NRG1: variants seen among roughly 807,000 people sequenced by gnomAD.
NRG1 encodes the protein pro-neuregulin-1, membrane-bound isoform.
A neutral mutation model predicts 63.8 loss-of-function variants in NRG1; 18 were observed. The ratio of observed to expected loss-of-function variants is 0.28; its 90% CI spans 0.19 to 0.42. NRG1 has a LOEUF of 0.42. Among genes scored for constraint, NRG1 ranks in the 10% least tolerant of loss-of-function variants. NRG1 has a pLI of 1.00. For synonymous variants in NRG1, 302 were observed against 301.3 expected, an observed-to-expected ratio of 1.00 and a Z score of -0.02; for missense variants, 762 against 814.7, an observed-to-expected ratio of 0.94 and a Z score of 0.79.
intron 1 of NRG1, among the ~76,000 whole-genome samples, chr8:32,170,278 A>T (rs1233673066): frequency 2.0e-5 from 3 of 152,222 alleles, no homozygotes; most frequent in Non-Finnish European, 4.4e-5. Context: ...AGGGAGAAAC[A>T]GGTTTAGAGG....
intron 1 of NRG1, among the ~76,000 whole-genome samples, chr8:32,119,517 C>T (rs1187118350): frequency 6.6e-6 from 1 of 152,062 alleles, no homozygotes; most frequent in African/African-American, 2.4e-5. Flanking sequence ...CCATGTTCTC[C>T]TGTCTTTCTT....
intron 11 of NRG1, 159 bp downstream of exon 11, chr8:32,760,565 T>C: frequency 7.0e-7 from 1 of 1,435,984 alleles, no homozygotes; most frequent in Non-Finnish European, 9.1e-7. Context: ...ATCTCTTTGT[T>C]TGACGGAACT....
intron 3 of NRG1, among the ~76,000 whole-genome samples, chr8:32,609,871 A>G (rs927319745): frequency 6.6e-6 from 1 of 151,232 alleles, no homozygotes; most frequent in Non-Finnish European, 1.5e-5. Flanking sequence ...AGGTTTCGCC[A>G]TGTTGGCCAT....
chr8:31,645,361 G>C (rs765228937), intron 1 of NRG1, among the ~76,000 whole-genome samples: 1 of 152,144 alleles, frequency 6.6e-6, no homozygotes, highest in Non-Finnish European at 1.5e-5. Context: ...ACAAAACTTG[G>C]TCATTTTAAG....
At chr8:32,186,137 T>C (rs1045893716) in intron 1 of NRG1, among the ~76,000 whole-genome samples, 5 of 152,202 alleles carry the variant, frequency 3.3e-5, no homozygotes, top group East Asian at 3.9e-4. Context: ...CTAGCTATTA[T>C]GTACAATTTG....
chr8:31,796,131 TA>T (rs1305150789), intron 1 of NRG1, among the ~76,000 whole-genome samples: 1 of 152,178 alleles, frequency 6.6e-6, no homozygotes, highest in African/African-American at 2.4e-5. Context: ...CACCTAGCCT[TA>T]AAGAGTCTAG....
At chr8:32,094,456 A>G (rs1343857835) in intron 1 of NRG1, among the ~76,000 whole-genome samples, 4 of 152,106 alleles carry the variant, frequency 2.6e-5, no homozygotes, top group South Asian at 2.1e-4. Flanking sequence ...CTTTCCACCA[A>G]GTTATCACTT....
chr8:32,164,456 T>C (rs1288423103), intron 1 of NRG1, among the ~76,000 whole-genome samples: 2 of 152,164 alleles, frequency 1.3e-5, no homozygotes, highest in Non-Finnish European at 2.9e-5. Context: ...CCAATGAAAG[T>C]AGATACCTTA....
chr8:31,925,171 T>TACGTATATATACATATATATGTATATA lies in NRG1; in HGVS notation c.37+285740_37+285741insACGTATATATACATATATATGTATATA, dbSNP rs1585805953. Among the ~76,000 whole-genome samples, 26 of 148,536 alleles carry TACGTATATATACATATATATGTATATA rather than the reference T, an allele frequency of 1.8e-4. 1 individual carries two copies. Among genetic ancestry groups the TACGTATATATACATATATATGTATATA allele is most frequent in the South Asian group, 6.4e-4 (3 of 4,682 alleles). Reference sequence around the variant, plus strand: ...GTATACATATATATGTATACATATATTTGCTTTTGACTTGTTTCCTCAGCT... The same window carrying TACGTATATATACATATATATGTATATA: ...GTATACATATATATGTATACATATATACGTATATATACATATATATGTATATATTGCTTTTGACTTGTTTCCTCAGCT... On this transcript the variant is annotated intron_variant, in intron 1 of 10. Coordinates refer to the NRG1 transcript ENST00000519301.
chr8:32,047,918 C>T (rs2881470), intron 1 of NRG1, among the ~76,000 whole-genome samples: 31,806 of 151,712 alleles, frequency 0.21, 4,369 homozygotes, highest in East Asian at 0.65. Flanking sequence ...CCTAACACCT[C>T]CAATCAGTTC....
At chr8:32,469,760 G>T (rs780448235) in intron 1 of NRG1, among the ~76,000 whole-genome samples, 1 of 152,258 alleles carries the variant, frequency 6.6e-6, no homozygotes, top group South Asian at 2.1e-4. Flanking sequence ...GAGGAAGCCC[G>T]AGAATCCTAA....
At chr8:32,687,672 C>T (rs1008386656) in intron 5 of NRG1, among the ~76,000 whole-genome samples, 2 of 152,102 alleles carry the variant, frequency 1.3e-5, no homozygotes, top group Non-Finnish European at 2.9e-5. Context: ...ATGAGAACAT[C>T]ACTAGGTCCA....
intron 1 of NRG1, among the ~76,000 whole-genome samples, chr8:32,450,178 G>A (rs1820778048): frequency 6.6e-6 from 1 of 152,178 alleles, no homozygotes; most frequent in South Asian, 2.1e-4. Flanking sequence ...TGGACATTAT[G>A]CTAGATTATT....
chr8:32,233,214 A>G (rs912182462), intron 1 of NRG1, among the ~76,000 whole-genome samples: 1 of 151,728 alleles, frequency 6.6e-6, no homozygotes, highest in African/African-American at 2.4e-5. Flanking sequence ...CTGTTCACCT[A>G]CTTCAGCCTC....
intron 1 of NRG1, among the ~76,000 whole-genome samples, chr8:32,451,250 A>AT (rs1820906720): frequency 6.6e-6 from 1 of 152,120 alleles, no homozygotes. Context: ...GAGCCATCTG[A>AT]TTGCTTGATA....
At chr8:32,256,883 C>T (rs1283055537) in intron 1 of NRG1, among the ~76,000 whole-genome samples, 1 of 152,148 alleles carries the variant, frequency 6.6e-6, no homozygotes, top group Non-Finnish European at 1.5e-5. Flanking sequence ...AGCTGCACCC[C>T]CAGCTGCCCC....
chr8:32,735,466 A>C (rs919439718), intron 6 of NRG1, among the ~76,000 whole-genome samples: 2 of 152,198 alleles, frequency 1.3e-5, no homozygotes, highest in African/African-American at 4.8e-5. Flanking sequence ...TGAATGATTT[A>C]AGGAAAAAGT....
chr8:31,809,508 C>T (rs556372618), intron 1 of NRG1, among the ~76,000 whole-genome samples: 58 of 150,724 alleles, frequency 3.8e-4, no homozygotes, highest in African/African-American at 1.3e-3. Context: ...TGTGCTTGTC[C>T]TATAATCTGG....
At chr8:32,201,306 A>G (rs1420889068) in intron 1 of NRG1, among the ~76,000 whole-genome samples, 1 of 152,220 alleles carries the variant, frequency 6.6e-6, no homozygotes, top group Admixed American at 6.5e-5. Flanking sequence ...AGGTCAATGC[A>G]GCATATCAAC....
Sources: allele counts gnomAD v4.1 joint callset (sites outside exome capture counted in the v4.1 genomes callset), GRCh38; gene constraint gnomAD v4.1.1; transcripts MANE v1.5; gene names NCBI Gene and HGNC (gene_info 2026-07-23, HGNC 2026-07-21).